ADGRL3: variants seen among roughly 807,000 people sequenced by gnomAD.
ADGRL3 encodes the protein calcium-independent alpha-latrotoxin receptor 3.
In ADGRL3, 62 loss-of-function variants were observed where a neutral mutation model predicts 153.5. The observed-to-expected ratio is 0.40, with a 90% CI of 0.33 to 0.50. The LOEUF (loss-of-function observed/expected upper bound fraction) is 0.50. Among genes scored for constraint, ADGRL3 ranks in the 20% least tolerant of loss-of-function variants. The probability of loss-of-function intolerance (pLI) is 0.47; values close to 1 mark genes in which losing one functional copy is unlikely to be tolerated. For missense variants in ADGRL3, 1,641 were observed against 1,859.4 expected (o/e 0.88, Z 2.16); for synonymous variants, 710 against 672.5 (o/e 1.06, Z -0.86).
In ADGRL3 at chr4:61,348,635, A is replaced by G. The variant is rs142039852; in HGVS notation, c.-239-34489A>G. ...ATTTAATTGGTGAAAATAGATTTCT[A>G]CAATACAGCAAGCCTGAATGTGAGA... On this transcript the variant is annotated intron_variant, in intron 1 of 26. Transcript: ENST00000683033. Among the ~76,000 whole-genome samples, 736 of 152,146 alleles carry G rather than the reference A, an allele frequency of 4.8e-3. 4 individuals are homozygous for G. The highest frequency in any genetic ancestry group is 0.017 in the African/African-American group (703 of 41,578).
At chr4:61,756,897 G>A (rs1431931296) in intron 8 of ADGRL3, among the ~76,000 whole-genome samples, 1 of 152,224 alleles carries the variant, frequency 6.6e-6, no homozygotes, top group South Asian at 2.1e-4. Flanking sequence ...TTTGTCATTG[G>A]TTCTGTTTAT....
At chr4:61,369,142 G>A (rs1277241620) in intron 1 of ADGRL3, among the ~76,000 whole-genome samples, 2 of 152,126 alleles carry the variant, frequency 1.3e-5, no homozygotes, top group East Asian at 3.9e-4. Flanking sequence ...GAGACAATGG[G>A]GTTTTCTAGA....
At chr4:61,784,565 G>T (rs899853259) in intron 8 of ADGRL3, among the ~76,000 whole-genome samples, 1 of 152,106 alleles carries the variant, frequency 6.6e-6, no homozygotes, top group African/African-American at 2.4e-5. Context: ...GGGGTATGGG[G>T]TGTGAAAGAT....
At chr4:61,617,742 T>C (rs1210652486) in intron 5 of ADGRL3, among the ~76,000 whole-genome samples, 2 of 152,220 alleles carry the variant, frequency 1.3e-5, no homozygotes, top group East Asian at 1.9e-4. Flanking sequence ...ATCTGAATGT[T>C]ATTTGCATTA....
intron 3 of ADGRL3, 46 bp from the exon 4 acceptor site, chr4:61,517,268 GA>G (rs2152901035): frequency 1.4e-6 from 1 of 697,864 alleles, no homozygotes; most frequent in Non-Finnish European, 2.6e-6. Context: ...CCTGAGGCGG[GA>G]CTGAGGTGAG....
intron 8 of ADGRL3, among the ~76,000 whole-genome samples, chr4:61,809,512 C>T (rs570696558): frequency 6.6e-6 from 1 of 152,114 alleles, no homozygotes; most frequent in South Asian, 2.1e-4. Context: ...TACCTCTTGT[C>T]ATCTCTTAAA....
chr4:61,723,846 G>T (rs1243433824), intron 6 of ADGRL3, among the ~76,000 whole-genome samples: 2 of 152,034 alleles, frequency 1.3e-5, no homozygotes, highest in Non-Finnish European at 2.9e-5. Context: ...GCCTTACCGA[G>T]GACTCCTTAC....
intron 25 of ADGRL3, among the ~76,000 whole-genome samples, chr4:62,055,995 T>C (rs1217324983): frequency 6.6e-6 from 1 of 151,650 alleles, no homozygotes; most frequent in Non-Finnish European, 1.5e-5. Flanking sequence ...GAAAGATTAA[T>C]GAACTCCTAC....
At chr4:61,420,469 C>A (rs2097191611) in intron 2 of ADGRL3, 1 of 132,668 alleles carries the variant, frequency 7.5e-6, no homozygotes. Context: ...TGCAGTGGCG[C>A]CATCTCGTCT....
chr4:61,934,355 G>A (rs1013719419), intron 13 of ADGRL3, among the ~76,000 whole-genome samples: 2 of 152,180 alleles, frequency 1.3e-5, no homozygotes, highest in Non-Finnish European at 2.9e-5. Context: ...GGTTTGCTAT[G>A]TGAGTCATCA....
intron 4 of ADGRL3, among the ~76,000 whole-genome samples, chr4:61,533,962 G>A (rs1296404419): frequency 6.6e-6 from 1 of 151,990 alleles, no homozygotes; most frequent in African/African-American, 2.4e-5. Context: ...TTGTGTGATG[G>A]TGACACAATT....
chr4:61,817,161 C>T (rs893810509), intron 9 of ADGRL3, among the ~76,000 whole-genome samples: 1 of 149,740 alleles, frequency 6.7e-6, no homozygotes, highest in African/African-American at 2.5e-5. Flanking sequence ...CCCCCCCCCC[C>T]CACCAAGGCA....
chr4:61,363,379 G>C (rs1281496735), intron 1 of ADGRL3, among the ~76,000 whole-genome samples: 1 of 150,178 alleles, frequency 6.7e-6, no homozygotes, highest in African/African-American at 2.4e-5. Context: ...GGTAGAGTTT[G>C]TTCTTCATTT....
intron 8 of ADGRL3, among the ~76,000 whole-genome samples, chr4:61,753,328 C>T (rs2096780534): frequency 6.6e-6 from 1 of 151,716 alleles, no homozygotes; most frequent in South Asian, 2.1e-4. Context: ...GATTTCAGGA[C>T]ATTTGGCTCA....
At chr4:61,794,236 A>T (rs541176771) in intron 8 of ADGRL3, among the ~76,000 whole-genome samples, 4 of 152,300 alleles carry the variant, frequency 2.6e-5, no homozygotes, top group Admixed American at 2.6e-4. Flanking sequence ...TCTACTTATA[A>T]TTTCATTTAC....
chr4:61,727,761 TA>T (rs2096374447), intron 6 of ADGRL3, among the ~76,000 whole-genome samples: 1 of 152,304 alleles, frequency 6.6e-6, no homozygotes, highest in Middle Eastern at 3.4e-3. Flanking sequence ...CCCATTAAAA[TA>T]CACAGACATT....
intron 8 of ADGRL3, among the ~76,000 whole-genome samples, chr4:61,751,086 G>C (rs75103866): frequency 0.081 from 12,362 of 152,110 alleles, 1,038 homozygotes; most frequent in African/African-American, 0.22. Flanking sequence ...ATAGTGAAGT[G>C]TATATGCAAG....
rs376497386 is a variant in ADGRL3, at chr4:61,844,020, G to GA, written c.1480+30147dup. 2.4e-3 allele frequency among the ~76,000 whole-genome samples: 290 copies of GA among 119,888 alleles called. No individual in the cohort carries two copies. In the East Asian group the frequency reaches 0.027, roughly 11 times the overall value. 78.7% of individuals were successfully genotyped at this position (119,888 alleles called of 152,430 possible). A position where few individuals can be genotyped will look rare whatever the true frequency, so the allele number is the denominator to read the frequency against. On this transcript the variant is annotated intron_variant, in intron 9 of 26. Coordinates refer to ENST00000683033, the MANE Select transcript of ADGRL3 (RefSeq NM_001387552.1). ...TGGTGACAGAGCAAAACCCTGTCTT[G>GA]AAAAAAAAAAAAAAAATCAACAGTA... is the stretch of plus-strand genomic sequence containing the variant.
chr4:61,305,706 C>T (rs73825104), intron 1 of ADGRL3, among the ~76,000 whole-genome samples: 3 of 151,918 alleles, frequency 2.0e-5, no homozygotes, highest in African/African-American at 4.8e-5. Flanking sequence ...TGAACTTGAG[C>T]GTCAAGCAGT....
Sources: gnomAD v4.1 joint callset for allele counts (sites outside exome capture counted in the v4.1 genomes callset) on GRCh38, gnomAD v4.1.1 for gene constraint, MANE v1.5 for transcripts, NCBI Gene and HGNC (gene_info 2026-07-23, HGNC 2026-07-21) for gene names.